Variants in ADCYAP1R1 observed in about 807,000 individuals in gnomAD.
ADCYAP1R1 encodes the protein ADCYAP receptor type I, also known as pituitary adenylate cyclase-activating polypeptide type I receptor.
A neutral mutation model predicts 67.6 loss-of-function variants in ADCYAP1R1; 44 were observed. The observed-to-expected ratio is 0.65, with a 90% CI of 0.51 to 0.84. The LOEUF is 0.84. Ranked by LOEUF, ADCYAP1R1 falls within the 40% of genes least tolerant of loss-of-function variation. The pLI is 0.00. For synonymous variants in ADCYAP1R1, 222 were observed against 219.6 expected (o/e 1.01, Z -0.10); for missense variants, 477 against 587.9 (o/e 0.81, Z 1.95).
At chr7:31,081,411 C>T (rs1003959022) in intron 5 of ADCYAP1R1, among the ~76,000 whole-genome samples, 1 of 152,178 alleles carries the variant, frequency 6.6e-6, no homozygotes, top group African/African-American at 2.4e-5. Context: ...TCCCATTCCT[C>T]TCCATTCTGG....
rs1207369794 is a variant in ADCYAP1R1 at position 31,086,056 on chromosome 7, G to C, written c.670-328G>C. Among the ~76,000 whole-genome samples, 6 of 152,166 alleles carry C rather than the reference G, an allele frequency of 3.9e-5. No homozygotes were observed. The highest frequency in any genetic ancestry group is 1.4e-4 in the African/African-American group (6 of 41,416). ...TCATTATACCAAGGAGCCTCCTGCAGGGTCCTCTGGCTGCTTCTCTCCCTA... is the reference window on the plus strand; with the variant it reads ...TCATTATACCAAGGAGCCTCCTGCACGGTCCTCTGGCTGCTTCTCTCCCTA... On this transcript the variant is annotated intron_variant, in intron 9 of 15. Coordinates refer to ENST00000304166, the MANE Select transcript of ADCYAP1R1 (RefSeq NM_001118.5). The surrounding 1 kb of genome is among the most constrained non-coding windows in gnomAD (Gnocchi z 5.0).
chr7:31,077,471 GGTGTGTGTAGTGTGT>G (rs1335062645), intron 3 of ADCYAP1R1, among the ~76,000 whole-genome samples: 1 of 105,258 alleles, frequency 9.5e-6, no homozygotes, highest in African/African-American at 5.9e-5. Flanking sequence ...GCATGTGTGT[GGTGTGTGTAGTGTGT>G]GTGTGTGTAG....
chr7:31,104,649 G>A (rs995714479), intron 14 of ADCYAP1R1, among the ~76,000 whole-genome samples: 1 of 152,134 alleles, frequency 6.6e-6, no homozygotes, highest in Non-Finnish European at 1.5e-5. Context: ...AAGCTAGAAT[G>A]TATCTGTGGG....
At chr7:31,062,202 A>G (rs1448999263) in intron 1 of ADCYAP1R1, among the ~76,000 whole-genome samples, 1 of 152,150 alleles carries the variant, frequency 6.6e-6, no homozygotes, top group Non-Finnish European at 1.5e-5. Context: ...CAATTTTAGA[A>G]GCAGAGTATA....
At chr7:31,084,660 A>G in intron 7 of ADCYAP1R1, 77 bp from the exon 8 acceptor site, 1 of 1,212,868 alleles carries the variant, frequency 8.2e-7, no homozygotes, top group East Asian at 2.3e-5. Context: ...GGCCTGGGAG[A>G]CTGGGTGCAG....
intron 12 of ADCYAP1R1, among the ~76,000 whole-genome samples, chr7:31,090,410 T>A (rs1356949267): frequency 4.6e-5 from 7 of 152,216 alleles, no homozygotes; most frequent in South Asian, 2.1e-4. Context: ...TTCCTTTTTT[T>A]AAAAATAATT....
At chr7:31,073,008 C>T (rs1276169393) in intron 3 of ADCYAP1R1, among the ~76,000 whole-genome samples, 5 of 152,176 alleles carry the variant, frequency 3.3e-5, no homozygotes, top group African/African-American at 1.2e-4. Flanking sequence ...GGATTCTCCC[C>T]TAGAACCTCC....
At chr7:31,058,299 C>G (rs1052628037) in intron 1 of ADCYAP1R1, among the ~76,000 whole-genome samples, 4 of 152,160 alleles carry the variant, frequency 2.6e-5, no homozygotes, top group African/African-American at 7.2e-5. Context: ...AGTGAGTCAC[C>G]GCTCGCTCCC....
At chr7:31,063,150 A>G in intron 1 of ADCYAP1R1, 44 bp from the exon 2 acceptor site, 21 of 1,306,540 alleles carry the variant, frequency 1.6e-5, no homozygotes, top group Non-Finnish European at 2.2e-5. Flanking sequence ...GCCCCCGGCC[A>G]CTGCACTGGG....
intron 13 of ADCYAP1R1, among the ~76,000 whole-genome samples, chr7:31,098,113 G>C (rs1186006416): frequency 6.6e-6 from 1 of 152,056 alleles, no homozygotes; most frequent in Non-Finnish European, 1.5e-5. Context: ...TGTTGCCCAG[G>C]CTGGTCTCAA....
chr7:31,087,580 C>T, intron 11 of ADCYAP1R1, 47 bp from the exon 12 acceptor site: 1 of 1,578,762 alleles, frequency 6.3e-7, no homozygotes, highest in Admixed American at 1.7e-5. Flanking sequence ...GGCTTCTATG[C>T]TGCCGACTCA....
rs768387214 is a variant in ADCYAP1R1, at chr7:31,103,346, C to T, written c.1156C>T (p.Leu386=). The T allele has an allele frequency of 1.1e-5, 17 of 1,614,076 alleles. No individual in the cohort carries two copies. The highest frequency in any genetic ancestry group is 1.4e-5 in the Non-Finnish European group (17 of 1,180,036). ...VSKRERLVFE[L]GLGSFQGFVV... is the part of the protein sequence containing the mutation. ...CAAAAGGGAAAGACTCGTGTTTGAG[C>T]TGGGGCTGGGCTCCTTCCAGGTAGG... is the stretch of plus-strand genomic sequence containing the variant. The change falls in exon 14 of 16, where the codon CTG becomes TTG. Residue 386 remains leucine (L), a synonymous_variant. Coordinates refer to ENST00000304166, the MANE Select transcript of ADCYAP1R1 (RefSeq NM_001118.5).
chr7:31,085,417 A>G lies in ADCYAP1R1; in HGVS notation c.644A>G (p.Asp215Gly), dbSNP rs1160428981. The G allele has an allele frequency of 2.5e-6, 4 of 1,613,526 alleles. No individual in the cohort carries two copies. The highest frequency in any genetic ancestry group is 1.7e-5 in the Admixed American group (1 of 59,990). The change falls in exon 9 of 16, where the codon GAC (aspartate) becomes GGC (glycine). Residue 215 changes from aspartate to glycine, a missense_variant. Transcript: ENST00000304166. ...IKDWILYAEQ[D>G]SNHCFISTVE... ...GACTGGATTCTGTATGCGGAGCAGG[A>G]CAGCAACCACTGCTTCATCTCCACT...
chr7:31,076,260 G>T (rs1425442116), intron 3 of ADCYAP1R1, among the ~76,000 whole-genome samples: 1 of 152,214 alleles, frequency 6.6e-6, no homozygotes, highest in Non-Finnish European at 1.5e-5. Context: ...GGCTGAAATT[G>T]TTCCTTGGAT....
chr7:31,063,448 C>T, intron 2 of ADCYAP1R1, 133 bp downstream of exon 2: 6 of 881,598 alleles, frequency 6.8e-6, no homozygotes, highest in South Asian at 1.5e-5. Context: ...CACCACTGGG[C>T]CACCCAGTGC....
chr7:31,076,156 T>A (rs1381415470), intron 3 of ADCYAP1R1, among the ~76,000 whole-genome samples: 2 of 152,104 alleles, frequency 1.3e-5, no homozygotes, highest in African/African-American at 4.8e-5. Flanking sequence ...ATGAGCAGGG[T>A]GAGCTCATCC....
chr7:31,094,377 G>A lies in ADCYAP1R1; in HGVS notation c.1046+1642G>A, dbSNP rs563768492. Among the ~76,000 whole-genome samples, 9 of 152,170 alleles carry A rather than the reference G, an allele frequency of 5.9e-5. No homozygotes were observed. In the East Asian group the frequency reaches 1.7e-3, roughly 30 times the overall value. On this transcript the variant is annotated intron_variant, in intron 13 of 15. Transcript: ENST00000304166. ...CTGCTCGCCTCATCTCCTGTCTAGT[G>A]TTGGACACTGCCCTTGTGTCTGGCC...
chr7:31,104,566 G>C (rs960877596), intron 14 of ADCYAP1R1, among the ~76,000 whole-genome samples: 1 of 152,136 alleles, frequency 6.6e-6, no homozygotes, highest in Non-Finnish European at 1.5e-5. Flanking sequence ...TTCAGGGAAG[G>C]CTTCTTATAG....
intron 11 of ADCYAP1R1, among the ~76,000 whole-genome samples, 181 bp from the exon 12 acceptor site, chr7:31,087,446 T>C (rs986949358): frequency 6.6e-6 from 1 of 152,188 alleles, no homozygotes; most frequent in Non-Finnish European, 1.5e-5. Flanking sequence ...GAGGGGATTT[T>C]CAGAGCCAGG....
Sources: allele counts gnomAD v4.1 joint callset (sites outside exome capture counted in the v4.1 genomes callset), GRCh38; gene constraint gnomAD v4.1.1; non-coding constraint Gnocchi (gnomAD v3.1); transcripts MANE v1.5; gene names NCBI Gene and HGNC (gene_info 2026-07-23, HGNC 2026-07-21).